TTC7A: variants seen among roughly 807,000 people sequenced by gnomAD.
TTC7A encodes the protein tetratricopeptide repeat domain 7A, also known as tetratricopeptide repeat protein 7A.
TTC7A carries 110 observed loss-of-function variants against 103.7 expected under a neutral mutation model. The observed-to-expected ratio is 1.06, with a 90% CI of 0.91 to 1.24. The LOEUF is 1.24. Ranked by LOEUF, TTC7A falls within the 50% of genes most tolerant of loss-of-function variation. The pLI is 0.00. For missense variants in TTC7A, 1,340 were observed against 1,116.3 expected, an observed-to-expected ratio of 1.20 and a Z score of -2.86; for synonymous variants, 521 against 467.9, an observed-to-expected ratio of 1.11 and a Z score of -1.47.
chr2:47,056,713 GGA>G (rs1262976756), intron 18 of TTC7A, among the ~76,000 whole-genome samples: 1 of 152,234 alleles, frequency 6.6e-6, no homozygotes, highest in Non-Finnish European at 1.5e-5. Flanking sequence ...AAAGCACAGA[GGA>G]GAGGGGGTGG....
chr2:47,000,208 G>A (rs1676655595), intron 8 of TTC7A, among the ~76,000 whole-genome samples: 1 of 150,986 alleles, frequency 6.6e-6, no homozygotes, highest in Admixed American at 6.6e-5. Flanking sequence ...TTTTGAAAAT[G>A]TTCAGGTCTG....
intron 19 of TTC7A, among the ~76,000 whole-genome samples, chr2:47,069,733 C>A (rs1684500678): frequency 6.6e-6 from 1 of 152,214 alleles, no homozygotes; most frequent in Non-Finnish European, 1.5e-5. Flanking sequence ...GCCAGAGAGC[C>A]TGGAGCTGGG....
At chr2:46,978,563 A>T (rs1174811718) in intron 4 of TTC7A, among the ~76,000 whole-genome samples, 1 of 43,306 alleles carries the variant, frequency 2.3e-5, no homozygotes, top group Non-Finnish European at 6.2e-5. Flanking sequence ...CCTGTTTCTT[A>T]AAAAAAAAAA....
intron 5 of TTC7A, among the ~76,000 whole-genome samples, chr2:46,983,513 C>T (rs1287360762): frequency 6.6e-6 from 1 of 152,172 alleles, no homozygotes; most frequent in Non-Finnish European, 1.5e-5. Context: ...GTCTGGGGGA[C>T]CCAAAGAGAG....
In TTC7A at chr2:47,041,593, A is replaced by G. The variant is rs558844793; in HGVS notation, c.1803-4722A>G. On this transcript the variant is annotated intron_variant, in intron 15 of 19. Coordinates refer to ENST00000319190, the MANE Select transcript of TTC7A (RefSeq NM_020458.4). ...CATGCAGAAACTCCATCTCTACTAA[A>G]ATACAAAAAATTAGCCGGGCCTGGT... is the stretch of plus-strand genomic sequence containing the variant. 6.6e-5 allele frequency among the ~76,000 whole-genome samples: 10 copies of G among 152,242 alleles called. No homozygotes were observed. The South Asian group carries it at 2.1e-3, about 32-fold the overall frequency.
intron 19 of TTC7A, 23 bp downstream of exon 19, chr2:47,060,994 C>A: frequency 6.4e-7 from 1 of 1,564,014 alleles, no homozygotes; most frequent in South Asian, 1.2e-5. Flanking sequence ...CCCCCGCGCT[C>A]CCACCACCTC....
chr2:46,928,733 G>A (rs754899326), intron 2 of TTC7A, among the ~76,000 whole-genome samples: 2 of 151,564 alleles, frequency 1.3e-5, no homozygotes, highest in African/African-American at 4.9e-5. Context: ...TTGCACTACT[G>A]CACTCCAGCG....
At chr2:46,961,187 C>A (rs980539224) in intron 3 of TTC7A, among the ~76,000 whole-genome samples, 2 of 152,152 alleles carry the variant, frequency 1.3e-5, no homozygotes, top group Non-Finnish European at 2.9e-5. Context: ...CCAGCCGATT[C>A]CAGGTGCAGG....
chr2:47,072,691 T>C (rs531331936), intron 19 of TTC7A, among the ~76,000 whole-genome samples: 5 of 152,220 alleles, frequency 3.3e-5, no homozygotes, highest in African/African-American at 1.2e-4. Flanking sequence ...GGGCTTTACC[T>C]CCCGTCTTGG....
chr2:46,955,779 C>T (rs1461714217), intron 2 of TTC7A, among the ~76,000 whole-genome samples: 2 of 152,198 alleles, frequency 1.3e-5, no homozygotes, highest in East Asian at 1.9e-4. Context: ...TACCTCCCTA[C>T]AGGGAGACAG....
chr2:46,999,013 T>G (rs1302254370), intron 8 of TTC7A, among the ~76,000 whole-genome samples: 1 of 152,178 alleles, frequency 6.6e-6, no homozygotes, highest in African/African-American at 2.4e-5. Flanking sequence ...ATCCACATAC[T>G]TATCATTGAT....
At chr2:47,071,433 C>T (rs1684700328) in intron 19 of TTC7A, among the ~76,000 whole-genome samples, 1 of 152,200 alleles carries the variant, frequency 6.6e-6, no homozygotes, top group Admixed American at 6.5e-5. Context: ...CCGCTCCCCA[C>T]CTGGAAGGAC....
chr2:47,046,136 C>G (rs1682289225), intron 15 of TTC7A, among the ~76,000 whole-genome samples, 179 bp from the exon 16 acceptor site: 1 of 152,194 alleles, frequency 6.6e-6, no homozygotes, highest in Non-Finnish European at 1.5e-5. Context: ...TGGGGAGAAA[C>G]TGAGGCACAC....
chr2:47,068,077 A>G (rs1684328346), intron 19 of TTC7A: 1 of 152,346 alleles, frequency 6.6e-6, no homozygotes, highest in African/African-American at 2.4e-5. Flanking sequence ...GACGAGGGAG[A>G]TACCTTGGGT....
rs1167307323 is a variant in TTC7A at position 47,015,878 on chromosome 2, C to T, written c.1392+4443C>T. 2.0e-5 allele frequency among the ~76,000 whole-genome samples: 3 copies of T among 152,092 alleles called. No individual in the cohort carries two copies. In the East Asian group the frequency reaches 5.8e-4, roughly 29 times the overall value. On this transcript the variant is annotated intron_variant, in intron 11 of 19. Transcript: ENST00000319190. ...AAATTGGAAAGAGTGCCTACTACTC[C>T]TCCCAGGGAGAAAAAAAGGGGATTT... is the stretch of plus-strand genomic sequence containing the variant.
At chr2:47,047,201 C>T (rs1031824441) in intron 16 of TTC7A, 10 of 878,702 alleles carry the variant, frequency 1.1e-5, no homozygotes, top group South Asian at 1.5e-5. Context: ...TTTGGGATAG[C>T]TGGCTGTGTC....
intron 14 of TTC7A, among the ~76,000 whole-genome samples, chr2:47,026,497 C>T (rs1679929613): frequency 6.6e-6 from 1 of 152,156 alleles, no homozygotes; most frequent in Non-Finnish European, 1.5e-5. Flanking sequence ...GGACCCAAGG[C>T]CCCGCGAGAA....
upstream of TTC7A, among the ~76,000 whole-genome samples, chr2:46,936,469 G>C (rs532349944): frequency 9.2e-4 from 140 of 152,230 alleles, 3 homozygotes; most frequent in South Asian, 0.029. Flanking sequence ...TGTCTGCTGG[G>C]AACTGTAAAT....
chr2:46,943,170 TGG>T (rs1428464086), intron 1 of TTC7A, among the ~76,000 whole-genome samples: 1 of 152,210 alleles, frequency 6.6e-6, no homozygotes, highest in Non-Finnish European at 1.5e-5. Flanking sequence ...CCCAAAGTGC[TGG>T]GATTACAGGC....
Sources: allele counts gnomAD v4.1 joint callset (sites outside exome capture counted in the v4.1 genomes callset), GRCh38; gene constraint gnomAD v4.1.1; transcripts MANE v1.5; gene names NCBI Gene and HGNC (gene_info 2026-07-23, HGNC 2026-07-21).